Variants in KCNJ6 observed in about 807,000 individuals in gnomAD.
KCNJ6 encodes the protein G protein-activated inward rectifier potassium channel 2.
In KCNJ6, 9 loss-of-function variants were observed where a neutral mutation model predicts 34.2. The observed-to-expected ratio is 0.26, with a 90% CI of 0.16 to 0.46. The LOEUF (loss-of-function observed/expected upper bound fraction) is 0.46. KCNJ6 is among the 20% of genes least tolerant of loss of function. The pLI is 1.00. For missense variants in KCNJ6, 236 were observed against 531.3 expected (o/e 0.44, Z 5.46); for synonymous variants, 196 against 207.1 (o/e 0.95, Z 0.46).
chr21:37,715,015 G>T lies in KCNJ6; in HGVS notation c.142C>A (p.Arg48=), dbSNP rs767281736. 1 of 1,614,170 alleles carries T rather than the reference G, an allele frequency of 6.2e-7. No homozygotes were observed. The highest frequency in any genetic ancestry group is 1.3e-5 in the African/African-American group (1 of 75,042). ...TACCTCTGGATTTTCCTTTTGGTCCGATCTCGGCTGATGTGTCTTGGCAGG... is the reference window on the plus strand; with the variant it reads ...TACCTCTGGATTTTCCTTTTGGTCCTATCTCGGCTGATGTGTCTTGGCAGG... The part of the protein sequence containing the change: ...DDLPRHISRD[R]TKRKIQRYVR... Residue 48 remains arginine, a synonymous_variant, in exon 3 of 4, where the codon CGG becomes AGG. Transcript: ENST00000609713.
At chr21:37,910,710 A>G (rs893805145) in intron 1 of KCNJ6, among the ~76,000 whole-genome samples, 1 of 152,248 alleles carries the variant, frequency 6.6e-6, no homozygotes, top group African/African-American at 2.4e-5. Flanking sequence ...ACAGCCATAC[A>G]GAAAAAATGA....
chr21:37,797,897 T>A (rs888270875), intron 2 of KCNJ6, among the ~76,000 whole-genome samples: 1 of 152,224 alleles, frequency 6.6e-6, no homozygotes, highest in African/African-American at 2.4e-5. Flanking sequence ...CTGAGAATTT[T>A]GAGCTACTGA....
At position 37,714,138 on chromosome 21, in the gene KCNJ6, T is replaced by G. The variant is rs896865088; in HGVS notation, c.946+73A>C. On this transcript the variant is annotated intron_variant, in intron 3 of 3. Transcript: ENST00000609713. The surrounding 1 kb of genome is among the most constrained non-coding windows in gnomAD (Gnocchi z 5.9). ...AGGTTCAGTATTCTAGATCTTGTAATAGATAAGAACATCAGGTCCAGTTTA... is the reference window on the plus strand; with the variant it reads ...AGGTTCAGTATTCTAGATCTTGTAAGAGATAAGAACATCAGGTCCAGTTTA... The G allele has an allele frequency of 9.6e-7, 1 of 1,044,724 alleles. No homozygotes were observed. The highest frequency in any genetic ancestry group is 1.6e-5 in the African/African-American group (1 of 62,896). 64.7% of individuals were successfully genotyped at this position (1,044,724 alleles called of 1,614,324 possible).
intron 2 of KCNJ6, among the ~76,000 whole-genome samples, chr21:37,758,650 T>C (rs1311290904): frequency 6.6e-6 from 1 of 152,172 alleles, no homozygotes; most frequent in African/African-American, 2.4e-5. Context: ...TAGAGATTTT[T>C]TTTTTGAGAC....
rs190740588 is a variant in KCNJ6, at chr21:37,668,425, G to A, written c.947-42941C>T. On this transcript the variant is annotated intron_variant, in intron 3 of 3. Coordinates refer to ENST00000609713, the MANE Select transcript of KCNJ6 (RefSeq NM_002240.5). ...TGGGTCCTCACAGGGTCACCCCTCT[G>A]TGTGTGTCTGTGTCTGTGTCCTAAT... Among the ~76,000 whole-genome samples, 246 of 150,156 alleles carry A rather than the reference G, an allele frequency of 1.6e-3. 1 individual carries two copies. The highest frequency in any genetic ancestry group is 6.8e-3 in the Middle Eastern group (2 of 294).
intron 1 of KCNJ6, among the ~76,000 whole-genome samples, chr21:37,915,080 C>A (rs1257319734): frequency 6.6e-6 from 1 of 152,134 alleles, no homozygotes; most frequent in Non-Finnish European, 1.5e-5. Context: ...AACAGATGTA[C>A]CTGTGGATCC....
Position 37,616,782 on chromosome 21 carries a change from G to A in KCNJ6, c.*8377C>T, listed in dbSNP as rs2054269674. The A allele has an allele frequency of 1.3e-5, 2 of 151,242 alleles. No homozygotes were observed. The highest frequency in any genetic ancestry group is 4.2e-4 in the South Asian group (2 of 4,766). 9.4% of individuals were successfully genotyped at this position (151,242 alleles called of 1,614,324 possible). ...AAGTGAAGTTTTCGTGGTGAGATGA[G>A]GGAGCAAATTAAGAGAGAGCAGCTG... On this transcript the variant is annotated 3_prime_UTR_variant, in exon 4 of 4. Coordinates refer to ENST00000609713, the MANE Select transcript of KCNJ6 (RefSeq NM_002240.5).
intron 2 of KCNJ6, among the ~76,000 whole-genome samples, chr21:37,832,255 C>T (rs1288298380): frequency 6.6e-6 from 1 of 151,076 alleles, no homozygotes; most frequent in Non-Finnish European, 1.5e-5. Context: ...TTTAAAGTGC[C>T]TAAATTTCAT....
intron 3 of KCNJ6, among the ~76,000 whole-genome samples, chr21:37,706,352 C>G (rs2054719559): frequency 1.3e-5 from 2 of 152,200 alleles, no homozygotes; most frequent in African/African-American, 2.4e-5. Context: ...AATTGTTGCT[C>G]TCAATGATTT....
At position 37,621,291 on chromosome 21, in the gene KCNJ6, C is replaced by G. The variant is rs1462379640; in HGVS notation, c.*3868G>C. 1 of 152,174 alleles carries G rather than the reference C, an allele frequency of 6.6e-6. No individual in the cohort carries two copies. The highest frequency in any genetic ancestry group is 2.4e-5 in the African/African-American group (1 of 41,442). 9.4% of individuals were successfully genotyped at this position (152,174 alleles called of 1,614,324 possible). ...ACTATGAGTATTTTAATTGTATTCT[C>G]TCAGCAAATCAAATGATTTCCCATT... On this transcript the variant is annotated 3_prime_UTR_variant, in exon 4 of 4. Coordinates refer to ENST00000609713, the MANE Select transcript of KCNJ6 (RefSeq NM_002240.5).
chr21:37,688,765 T>C lies in KCNJ6; in HGVS notation c.946+25446A>G, dbSNP rs569331122. Among the ~76,000 whole-genome samples the C allele has an allele frequency of 2.6e-5, 4 of 152,278 alleles. No individual in the cohort carries two copies. In the South Asian group the frequency reaches 8.3e-4, roughly 32 times the overall value. On this transcript the variant is annotated intron_variant, in intron 3 of 3. Coordinates refer to ENST00000609713, the MANE Select transcript of KCNJ6 (RefSeq NM_002240.5). ...GAGACATGTCTTCCATGATGGTTGG[T>C]TGGAACCCAGACTTAGGTGCCTAGT...
At chr21:37,707,711 T>TAGTGTGTGTGTGTGTGTGTGGGG (rs1569449122) in intron 3 of KCNJ6, among the ~76,000 whole-genome samples, 1 of 32,962 alleles carries the variant, frequency 3.0e-5, no homozygotes, top group African/African-American at 1.8e-4. Flanking sequence ...CTTAGCTGTT[T>TAGTGTGTGTGTGTGTGTGTGGGG]AGTATCTGTG....
chr21:37,663,486 T>C (rs371787775), intron 3 of KCNJ6, among the ~76,000 whole-genome samples: 12 of 151,824 alleles, frequency 7.9e-5, no homozygotes, highest in South Asian at 2.1e-4. Context: ...TCCAGCTACA[T>C]ACTGTTTACA....
intron 3 of KCNJ6, among the ~76,000 whole-genome samples, chr21:37,710,525 C>T (rs139560024): frequency 1.0e-3 from 152 of 152,292 alleles, no homozygotes; most frequent in African/African-American, 3.1e-3. Flanking sequence ...AAAGGCTTAA[C>T]GGGGACTCAT....
Position 37,611,220 on chromosome 21 carries a change from A to T in KCNJ6, c.*13939T>A, listed in dbSNP as rs1257657173. 1 of 152,232 alleles carries T rather than the reference A, an allele frequency of 6.6e-6. No individual in the cohort carries two copies. The highest frequency in any genetic ancestry group is 1.5e-5 in the Non-Finnish European group (1 of 68,034). The allele number at this position is 152,232 out of a possible 1,614,324, so 9.4% of individuals were successfully genotyped here. Reference sequence around the variant, plus strand: ...ATGAAGGAATTTTATGAATGACTTTATACCCACAAATTTGATAATGTAGAT... The same window carrying T: ...ATGAAGGAATTTTATGAATGACTTTTTACCCACAAATTTGATAATGTAGAT... On this transcript the variant is annotated 3_prime_UTR_variant, in exon 4 of 4. Coordinates refer to ENST00000609713, the MANE Select transcript of KCNJ6 (RefSeq NM_002240.5).
chr21:37,827,759 ATCTC>A (rs924886669), intron 2 of KCNJ6, among the ~76,000 whole-genome samples: 8 of 152,258 alleles, frequency 5.3e-5, no homozygotes, highest in South Asian at 2.1e-4. Context: ...TGAATATATT[ATCTC>A]TCTCTCAGCT....
chr21:37,906,951 G>A (rs987566584), intron 1 of KCNJ6, among the ~76,000 whole-genome samples: 1 of 152,150 alleles, frequency 6.6e-6, no homozygotes, highest in Non-Finnish European at 1.5e-5. Flanking sequence ...CAGCTGAAGA[G>A]GAAGGAATCT....
chr21:37,809,724 T>C (rs1324017652), intron 2 of KCNJ6, among the ~76,000 whole-genome samples: 1 of 152,180 alleles, frequency 6.6e-6, no homozygotes, highest in Non-Finnish European at 1.5e-5. Context: ...ATTATACTGG[T>C]ATCTCAGCCT....
intron 3 of KCNJ6, among the ~76,000 whole-genome samples, chr21:37,694,127 C>T (rs2054653224): frequency 6.6e-6 from 1 of 152,162 alleles, no homozygotes; most frequent in Non-Finnish European, 1.5e-5. Context: ...GAGAAAGGCC[C>T]CTCCTGGGAC....
Sources: gnomAD v4.1 joint callset for allele counts (sites outside exome capture counted in the v4.1 genomes callset) on GRCh38, gnomAD v4.1.1 for gene constraint, Gnocchi (gnomAD v3.1) non-coding constraint, MANE v1.5 for transcripts, NCBI Gene and HGNC (gene_info 2026-07-23, HGNC 2026-07-21) for gene names.